Variants in SSBP3 observed in about 807,000 individuals in gnomAD.
SSBP3 encodes the protein single-stranded DNA-binding protein 3.
In SSBP3, 5 loss-of-function variants were observed where a neutral mutation model predicts 69.6. That is an observed-to-expected ratio of 0.07 (90% CI 0.04 to 0.15). The LOEUF is 0.15. Among genes scored for constraint, SSBP3 ranks in the 10% least tolerant of loss-of-function variants. The pLI is 1.00. For synonymous variants in SSBP3, 196 were observed against 193.4 expected, an observed-to-expected ratio of 1.01 and a Z score of -0.11; for missense variants, 312 against 534.0, an observed-to-expected ratio of 0.58 and a Z score of 4.10.
At chr1:54,395,610 T>C (rs748118348) in intron 4 of SSBP3, among the ~76,000 whole-genome samples, 1 of 152,146 alleles carries the variant, frequency 6.6e-6, no homozygotes, top group Admixed American at 6.5e-5. Context: ...CCTCCCTGGA[T>C]ATTGACGGAT....
chr1:54,263,037 G>A (rs1645042025), intron 5 of SSBP3, among the ~76,000 whole-genome samples: 1 of 152,166 alleles, frequency 6.6e-6, no homozygotes, highest in African/African-American at 2.4e-5. Flanking sequence ...TTCAGCACTG[G>A]GTAGTGTTCC....
intron 4 of SSBP3, among the ~76,000 whole-genome samples, chr1:54,345,117 G>C (rs1646668431): frequency 6.6e-6 from 1 of 152,140 alleles, no homozygotes; most frequent in Non-Finnish European, 1.5e-5. Flanking sequence ...AAAGTTACAA[G>C]AGTTCTCGTG....
intron 5 of SSBP3, among the ~76,000 whole-genome samples, chr1:54,271,966 C>T (rs572812053): frequency 6.6e-6 from 1 of 152,212 alleles, no homozygotes; most frequent in East Asian, 1.9e-4. Context: ...GACGAGGTTT[C>T]ACCATGTTGG....
chr1:54,228,370 AGAG>A lies in SSBP3; in HGVS notation c.1036-17_1036-15del. 6.2e-7 allele frequency: 1 copy of A among 1,614,116 alleles called. No individual in the cohort carries two copies. Among genetic ancestry groups the A allele is most frequent in the Non-Finnish European group, 8.5e-7 (1 of 1,179,992 alleles). On this transcript the variant is annotated splice_polypyrimidine_tract_variant and intron_variant, in intron 16 of 17. Transcript: ENST00000610401. ...GTTAGGAGAATTCTGTGGAAAGAGG[AGAG>A]GAGGTGAGCACCTGTGTCCCCAACA...
intron 4 of SSBP3, among the ~76,000 whole-genome samples, chr1:54,361,760 T>C (rs1475516285): frequency 6.6e-6 from 1 of 152,104 alleles, no homozygotes; most frequent in Non-Finnish European, 1.5e-5. Flanking sequence ...TCAAGACAAG[T>C]GGCCTTTCCA....
At chr1:54,241,736 G>A (rs1483968715) in intron 11 of SSBP3, among the ~76,000 whole-genome samples, 1 of 152,228 alleles carries the variant, frequency 6.6e-6, no homozygotes, top group African/African-American at 2.4e-5. Context: ...AGTCCTGGGA[G>A]GGAGCCACAG....
chr1:54,281,717 G>A (rs558462692), intron 4 of SSBP3, among the ~76,000 whole-genome samples, 190 bp from the exon 5 acceptor site: 82 of 152,246 alleles, frequency 5.4e-4, no homozygotes, highest in African/African-American at 1.9e-3. Flanking sequence ...ACACAAGTAG[G>A]GCTTATACAC....
intron 4 of SSBP3, among the ~76,000 whole-genome samples, chr1:54,386,192 G>A (rs1378363611): frequency 6.6e-6 from 1 of 152,184 alleles, no homozygotes; most frequent in African/African-American, 2.4e-5. Context: ...TGTCCAGTGG[G>A]CAGTCAGGGG....
At chr1:54,390,792 G>GT (rs1648431096) in intron 4 of SSBP3, among the ~76,000 whole-genome samples, 1 of 152,250 alleles carries the variant, frequency 6.6e-6, no homozygotes, top group South Asian at 2.1e-4. Flanking sequence ...GCCGCCGCCC[G>GT]TAACACAAGC....
chr1:54,240,837 A>G (rs1644622451), intron 13 of SSBP3, 68 bp downstream of exon 13: 4 of 1,599,156 alleles, frequency 2.5e-6, no homozygotes, highest in South Asian at 1.1e-5. Flanking sequence ...GTGCCCCTCC[A>G]GGTCTCTCTG....
intron 6 of SSBP3, among the ~76,000 whole-genome samples, chr1:54,257,649 GA>G (rs1644945964): frequency 6.6e-6 from 1 of 152,132 alleles, no homozygotes; most frequent in Non-Finnish European, 1.5e-5. Context: ...GACTGGGGGG[GA>G]AACGCCAAGG....
At chr1:54,234,161 G>C (rs1212224429) in intron 14 of SSBP3, among the ~76,000 whole-genome samples, 3 of 151,408 alleles carry the variant, frequency 2.0e-5, no homozygotes, top group Non-Finnish European at 2.9e-5. Flanking sequence ...TGCTCGTTAA[G>C]AGTCGTCACC....
chr1:54,320,379 G>A (rs1303920775), intron 4 of SSBP3, among the ~76,000 whole-genome samples: 3 of 152,080 alleles, frequency 2.0e-5, no homozygotes, highest in East Asian at 3.9e-4. Context: ...GTGCAATGAC[G>A]CGATCTTGGC....
intron 2 of SSBP3, 49 bp downstream of exon 2, chr1:54,404,809 G>C (rs766619298): frequency 9.8e-5 from 22 of 225,506 alleles, no homozygotes; most frequent in East Asian, 5.7e-4. Context: ...TAAGAATAGT[G>C]GGGGGGGGGG....
chr1:54,367,940 C>CA (rs1363070127), intron 4 of SSBP3, among the ~76,000 whole-genome samples: 1 of 152,160 alleles, frequency 6.6e-6, no homozygotes, highest in Non-Finnish European at 1.5e-5. Context: ...AAACTGGAAA[C>CA]AAGCAATAGT....
chr1:54,350,021 G>A (rs1351360155), intron 4 of SSBP3, among the ~76,000 whole-genome samples: 2 of 152,070 alleles, frequency 1.3e-5, no homozygotes, highest in East Asian at 1.9e-4. Flanking sequence ...AACCAGAAAT[G>A]CCTCTACCAT....
chr1:54,363,939 G>C (rs1557565721), intron 4 of SSBP3, among the ~76,000 whole-genome samples: 1 of 152,200 alleles, frequency 6.6e-6, no homozygotes, highest in Non-Finnish European at 1.5e-5. Context: ...GGGAAACAAA[G>C]GGGGCAGACC....
chr1:54,399,981 A>G (rs533090146), intron 4 of SSBP3, among the ~76,000 whole-genome samples: 3 of 152,190 alleles, frequency 2.0e-5, no homozygotes, highest in Non-Finnish European at 4.4e-5. Flanking sequence ...TTTACACCCC[A>G]CACATATGAA....
At chr1:54,318,625 G>A (rs1367155163) in intron 4 of SSBP3, among the ~76,000 whole-genome samples, 4 of 152,102 alleles carry the variant, frequency 2.6e-5, no homozygotes, top group Non-Finnish European at 5.9e-5. Context: ...TGGTGGAGGA[G>A]CTGGAGGCAC....
Sources: allele counts gnomAD v4.1 joint callset (sites outside exome capture counted in the v4.1 genomes callset), GRCh38; gene constraint gnomAD v4.1.1; transcripts MANE v1.5; gene names NCBI Gene and HGNC (gene_info 2026-07-23, HGNC 2026-07-21).